Variants in VWA8 observed in about 807,000 individuals in gnomAD.
The protein encoded by VWA8 is von Willebrand factor A domain-containing protein 8.
VWA8 carries 221 observed loss-of-function variants against 241.5 expected under a neutral mutation model. The ratio of observed to expected loss-of-function variants is 0.91; its 90% CI spans 0.82 to 1.02. VWA8 has a LOEUF of 1.02. Ranked by LOEUF, VWA8 falls within the 50% of genes least tolerant of loss-of-function variation. The pLI, the probability that VWA8 is intolerant of heterozygous loss-of-function variation, is 0.00. For synonymous variants in VWA8, 852 were observed against 827.1 expected (o/e 1.03, Z -0.52); for missense variants, 2,322 against 2,328.7 (o/e 1.00, Z 0.06).
At chr13:41,748,083 G>A (rs2045624157) in intron 21 of VWA8, among the ~76,000 whole-genome samples, 1 of 152,158 alleles carries the variant, frequency 6.6e-6, no homozygotes, top group Non-Finnish European at 1.5e-5. Context: ...TCTCTGCCAG[G>A]CTTTGGTATC....
In VWA8 at chr13:41,575,749, T is replaced by C. The variant is rs1441546545; in HGVS notation, c.5361A>G (p.Glu1787=). 6.2e-7 allele frequency: 1 copy of C among 1,611,732 alleles called. No individual in the cohort carries two copies. Among genetic ancestry groups the C allele is most frequent in the East Asian group, 2.2e-5 (1 of 44,852 alleles). The part of the protein sequence containing the change: ...KIPKDNKQRL[E]ILKTMHAHSQ... Reference sequence around the variant, plus strand: ...AATAAAATATATTTACCTTCAGAATTTCTAGTCTTTGCTTATTGTCCTTGG... The same window carrying C: ...AATAAAATATATTTACCTTCAGAATCTCTAGTCTTTGCTTATTGTCCTTGG... The change falls in exon 43 of 45, where the codon GAA becomes GAG. Residue 1787 remains glutamate (E), a synonymous_variant. Coordinates refer to ENST00000379310, the MANE Select transcript of VWA8 (RefSeq NM_015058.2).
chr13:41,576,953 C>T (rs2139636817), intron 42 of VWA8, among the ~76,000 whole-genome samples: 1 of 152,360 alleles, frequency 6.6e-6, no homozygotes, highest in South Asian at 2.1e-4. Flanking sequence ...CTGACATCCA[C>T]ACTCCATCGC....
chr13:41,739,771 A>T (rs1207255999), intron 21 of VWA8, among the ~76,000 whole-genome samples: 6 of 151,808 alleles, frequency 4.0e-5, no homozygotes, highest in Non-Finnish European at 8.8e-5. Context: ...TTTTAGCAAC[A>T]GGAGTTAAAC....
intron 9 of VWA8, among the ~76,000 whole-genome samples, chr13:41,877,319 T>A (rs1006163367): frequency 6.6e-6 from 1 of 152,088 alleles, no homozygotes; most frequent in Non-Finnish European, 1.5e-5. Context: ...ACATTTCTCA[T>A]ATTTGTTTAA....
At chr13:41,787,644 C>A in intron 17 of VWA8, 101 bp from the exon 18 acceptor site, 1 of 657,002 alleles carries the variant, frequency 1.5e-6, no homozygotes, top group East Asian at 2.8e-5. Flanking sequence ...ACACTCCTTA[C>A]TAATTACAAC....
At chr13:41,858,751 A>G (rs1872870821) in intron 12 of VWA8, among the ~76,000 whole-genome samples, 1 of 151,812 alleles carries the variant, frequency 6.6e-6, no homozygotes, top group Non-Finnish European at 1.5e-5. Flanking sequence ...CTTGAAAAAT[A>G]AACTTTATAA....
intron 4 of VWA8, among the ~76,000 whole-genome samples, chr13:41,896,859 T>C (rs568334961): frequency 6.6e-6 from 1 of 152,138 alleles, no homozygotes; most frequent in African/African-American, 2.4e-5. Context: ...TATATAAAAA[T>C]GTAAATGGCT....
intron 37 of VWA8, among the ~76,000 whole-genome samples, chr13:41,665,342 G>A (rs980936915): frequency 3.6e-4 from 54 of 151,976 alleles, no homozygotes; most frequent in Non-Finnish European, 3.4e-4. Context: ...TAGAAAGTGA[G>A]GCTTTGAAAG....
At chr13:41,912,792 C>G (rs1447718833) in intron 2 of VWA8, among the ~76,000 whole-genome samples, 2 of 152,064 alleles carry the variant, frequency 1.3e-5, no homozygotes, top group Non-Finnish European at 2.9e-5. Flanking sequence ...AGAAGACCAC[C>G]CCATGCAACG....
intron 26 of VWA8, among the ~76,000 whole-genome samples, 190 bp from the exon 27 acceptor site, chr13:41,703,601 T>G (rs924250835): frequency 6.6e-6 from 1 of 152,190 alleles, no homozygotes; most frequent in Admixed American, 6.5e-5. Context: ...ACAAAAAAGA[T>G]CTCGCATTTC....
intron 1 of VWA8, 143 bp downstream of exon 1, chr13:41,960,710 T>C (rs1878570930): frequency 8.0e-7 from 1 of 1,247,104 alleles, no homozygotes; most frequent in Non-Finnish European, 1.1e-6. Flanking sequence ...AGGTCGGGAC[T>C]AGAACCTCAA....
At chr13:41,887,104 A>T (rs910285310) in intron 6 of VWA8, 93 bp downstream of exon 6, 1 of 1,415,250 alleles carries the variant, frequency 7.1e-7, no homozygotes. Context: ...TCAGGAAGAC[A>T]TTCAAAACTG....
At chr13:41,781,989 C>G (rs1241687617) in intron 19 of VWA8, among the ~76,000 whole-genome samples, 4 of 152,192 alleles carry the variant, frequency 2.6e-5, no homozygotes. Flanking sequence ...GCACTGACTA[C>G]GGCTTCAAAG....
chr13:41,822,893 A>C (rs1871022231), intron 14 of VWA8, among the ~76,000 whole-genome samples: 1 of 152,150 alleles, frequency 6.6e-6, no homozygotes, highest in African/African-American at 2.4e-5. Flanking sequence ...ATAAAACTCT[A>C]GAAAATATGA....
At chr13:41,768,920 T>G (rs1220866164) in intron 20 of VWA8, among the ~76,000 whole-genome samples, 4 of 151,444 alleles carry the variant, frequency 2.6e-5, no homozygotes, top group Non-Finnish European at 5.9e-5. Flanking sequence ...TTTTTTTTTT[T>G]TGAGACAGAA....
intron 3 of VWA8, among the ~76,000 whole-genome samples, chr13:41,910,771 G>A (rs1189798315): frequency 3.9e-5 from 6 of 152,072 alleles, no homozygotes; most frequent in Non-Finnish European, 7.4e-5. Flanking sequence ...GAGCTAGTGC[G>A]AGTTAGGCTC....
At chr13:41,703,665 T>C (rs1437757627) in intron 26 of VWA8, among the ~76,000 whole-genome samples, 1 of 152,246 alleles carries the variant, frequency 6.6e-6, no homozygotes, top group Non-Finnish European at 1.5e-5. Flanking sequence ...ACAAATACAA[T>C]TGATTTACAT....
chr13:41,856,745 G>T (rs961002994), intron 12 of VWA8, among the ~76,000 whole-genome samples: 2 of 151,828 alleles, frequency 1.3e-5, no homozygotes, highest in Non-Finnish European at 2.9e-5. Flanking sequence ...GATGGTTTGA[G>T]CCTGGAAGGC....
chr13:41,602,484 A>T (rs2139654730), intron 40 of VWA8, among the ~76,000 whole-genome samples: 1 of 152,254 alleles, frequency 6.6e-6, no homozygotes, highest in South Asian at 2.1e-4. Flanking sequence ...ATTTCACAGG[A>T]TTATGAGAAT....
Sources: allele counts gnomAD v4.1 joint callset (sites outside exome capture counted in the v4.1 genomes callset), GRCh38; gene constraint gnomAD v4.1.1; transcripts MANE v1.5; gene names NCBI Gene and HGNC (gene_info 2026-07-23, HGNC 2026-07-21).